DAB1: variants seen among roughly 807,000 people sequenced by gnomAD.
DAB1 encodes the protein DAB adaptor protein 1, also known as disabled homolog 1.
Under a neutral mutation model 64.6 loss-of-function variants are expected in DAB1, and 15 were observed. The observed-to-expected ratio is 0.23, with a 90% CI of 0.16 to 0.36. The LOEUF (loss-of-function observed/expected upper bound fraction) is 0.36, where lower values mean the gene tolerates loss of function less well. Ranked by LOEUF, DAB1 falls within the 10% of genes least tolerant of loss-of-function variation. The pLI is 1.00. For missense variants in DAB1, 596 were observed against 706.7 expected, an observed-to-expected ratio of 0.84 and a Z score of 1.78; for synonymous variants, 235 against 251.9, an observed-to-expected ratio of 0.93 and a Z score of 0.64.
At chr1:57,570,198 A>G (rs2691426) in intron 7 of DAB1, among the ~76,000 whole-genome samples, 133,431 of 152,076 alleles carry the variant, frequency 0.88, 60,158 homozygotes, top group East Asian at 1. Flanking sequence ...ATATAAGCAG[A>G]CAGAAAAATG....
chr1:57,737,829 G>T (rs1007359527), intron 6 of DAB1, among the ~76,000 whole-genome samples: 13 of 152,120 alleles, frequency 8.5e-5, no homozygotes, highest in Non-Finnish European at 1.9e-4. Context: ...TGTAATTCTT[G>T]TCTTCAGAAT....
At chr1:58,453,973 G>C (rs1429759545) in intron 3 of DAB1, among the ~76,000 whole-genome samples, 1 of 151,974 alleles carries the variant, frequency 6.6e-6, no homozygotes, top group African/African-American at 2.4e-5. Flanking sequence ...TTGCACATCA[G>C]CTTGTACAAG....
At chr1:58,457,458 G>A (rs533158073) in intron 3 of DAB1, among the ~76,000 whole-genome samples, 1 of 152,304 alleles carries the variant, frequency 6.6e-6, no homozygotes, top group African/African-American at 2.4e-5. Context: ...TAAGCGGCCT[G>A]TGCCATCTCA....
chr1:57,023,805 G>C (rs1240091389), intron 10 of DAB1, among the ~76,000 whole-genome samples, 166 bp from the exon 11 acceptor site: 2 of 152,076 alleles, frequency 1.3e-5, no homozygotes, highest in African/African-American at 4.8e-5. Flanking sequence ...TATCTATATG[G>C]GAAATGACAC....
At chr1:57,977,920 C>T (rs1340334558) in intron 5 of DAB1, among the ~76,000 whole-genome samples, 1 of 152,112 alleles carries the variant, frequency 6.6e-6, no homozygotes, top group Non-Finnish European at 1.5e-5. Flanking sequence ...AGAGAGGACA[C>T]AAACAAATGG....
At chr1:58,496,358 C>T (rs551683124) in intron 3 of DAB1, among the ~76,000 whole-genome samples, 195 of 152,280 alleles carry the variant, frequency 1.3e-3, no homozygotes, top group African/African-American at 4.4e-3. Flanking sequence ...TTTGTAAAGT[C>T]GTTCTTTCAG....
chr1:57,888,813 T>C (rs1644264923), upstream of DAB1, among the ~76,000 whole-genome samples: 1 of 152,220 alleles, frequency 6.6e-6, no homozygotes, highest in South Asian at 2.1e-4. Context: ...TAAATTAATA[T>C]GTGCATCATA....
intron 5 of DAB1, among the ~76,000 whole-genome samples, chr1:57,911,775 C>T (rs749508917): frequency 2.6e-5 from 4 of 152,232 alleles, no homozygotes; most frequent in African/African-American, 7.2e-5. Flanking sequence ...TAAGCATCCA[C>T]AGCCCCTCAG....
At chr1:57,021,419 T>C (rs181617255) in intron 11 of DAB1, among the ~76,000 whole-genome samples, 1 of 152,290 alleles carries the variant, frequency 6.6e-6, no homozygotes, top group East Asian at 1.9e-4. Flanking sequence ...ATAATCCCCA[T>C]GTGGAGATAA....
chr1:57,247,576 T>C (rs1057297836), intron 2 of DAB1, among the ~76,000 whole-genome samples: 1 of 152,218 alleles, frequency 6.6e-6, no homozygotes, highest in Non-Finnish European at 1.5e-5. Context: ...AATTGTGAAC[T>C]TCACTTAACT....
intron 4 of DAB1, among the ~76,000 whole-genome samples, chr1:58,215,399 GTGT>G (rs1257330839): frequency 4.0e-3 from 288 of 72,574 alleles, no homozygotes; most frequent in African/African-American, 0.013. Flanking sequence ...CTCCATGATA[GTGT>G]TTTTTTTTTT....
intron 6 of DAB1, among the ~76,000 whole-genome samples, chr1:57,688,913 A>G (rs1432718340): frequency 1.3e-5 from 2 of 152,192 alleles, no homozygotes; most frequent in African/African-American, 4.8e-5. Flanking sequence ...GTGGACCACC[A>G]GAGTGGGGAG....
chr1:57,629,790 C>T (rs1645965733), intron 7 of DAB1, among the ~76,000 whole-genome samples: 1 of 149,722 alleles, frequency 6.7e-6, no homozygotes, highest in African/African-American at 2.4e-5. Context: ...AGAAGGAGGC[C>T]TTCTAGACCC....
intron 2 of DAB1, among the ~76,000 whole-genome samples, chr1:57,267,424 A>G (rs543416359): frequency 6.6e-6 from 1 of 152,332 alleles, no homozygotes; most frequent in Non-Finnish European, 1.5e-5. Flanking sequence ...TCTCTGTCAT[A>G]AAGACAAGGA....
chr1:58,477,641 C>G (rs949035834), intron 3 of DAB1, among the ~76,000 whole-genome samples: 1 of 152,124 alleles, frequency 6.6e-6, no homozygotes, highest in Non-Finnish European at 1.5e-5. Context: ...AGTCACACAT[C>G]CAGCTGGATG....
chr1:58,028,327 T>A (rs1646924421), intron 5 of DAB1, among the ~76,000 whole-genome samples: 1 of 152,222 alleles, frequency 6.6e-6, no homozygotes. Flanking sequence ...TTACTTCATA[T>A]ATTTTGTTGA....
chr1:58,543,427 T>C (rs17117742), intron 1 of DAB1, among the ~76,000 whole-genome samples: 23,004 of 152,186 alleles, frequency 0.15, 1,823 homozygotes, highest in Middle Eastern at 0.22. Flanking sequence ...TCAGCCCACA[T>C]TAAATCAGTC....
chr1:57,753,038 A>G (rs536117661), intron 6 of DAB1, among the ~76,000 whole-genome samples: 1 of 152,320 alleles, frequency 6.6e-6, no homozygotes, highest in South Asian at 2.1e-4. Flanking sequence ...GGGCTGGAAC[A>G]GCATGTTGGT....
intron 2 of DAB1, among the ~76,000 whole-genome samples, chr1:57,274,119 T>C (rs529046924): frequency 6.6e-6 from 1 of 152,304 alleles, no homozygotes; most frequent in South Asian, 2.1e-4. Flanking sequence ...TCTGCTCTGA[T>C]CCCAGAGAAA....
Sources: gnomAD v4.1 joint callset for allele counts (sites outside exome capture counted in the v4.1 genomes callset) on GRCh38, gnomAD v4.1.1 for gene constraint, MANE v1.5 for transcripts, NCBI Gene and HGNC (gene_info 2026-07-23, HGNC 2026-07-21) for gene names.